ENTREP2: variants seen among roughly 807,000 people sequenced by gnomAD.
The protein encoded by ENTREP2 is endosomal transmembrane epsin interactor 2.
At chr15:29,489,052 A>C in the ENTREP2 span, among the ~76,000 whole-genome samples, 1 of 152,364 alleles carries the variant, frequency 6.6e-6, no homozygotes, top group African/African-American at 2.4e-5. Flanking sequence ...GGGAGTGGTT[A>C]CACAACGGTG....
At chr15:29,370,110 A>G in the ENTREP2 span, among the ~76,000 whole-genome samples, 1 of 152,246 alleles carries the variant, frequency 6.6e-6, no homozygotes, top group African/African-American at 2.4e-5. Context: ...AGACATACAG[A>G]AAACAAATAG....
the ENTREP2 span, among the ~76,000 whole-genome samples, chr15:29,141,236 CG>C: frequency 6.6e-6 from 1 of 152,148 alleles, no homozygotes; most frequent in South Asian, 2.1e-4. Flanking sequence ...TGCCTGGGAC[CG>C]GGAGTCAGAC....
the ENTREP2 span, among the ~76,000 whole-genome samples, chr15:29,651,055 A>C: frequency 1.3e-5 from 2 of 152,170 alleles, no homozygotes; most frequent in Non-Finnish European, 2.9e-5. Flanking sequence ...AGTTATCTGA[A>C]GCTCTTAAAC....
At chr15:29,391,993 T>C in the ENTREP2 span, among the ~76,000 whole-genome samples, 1 of 152,124 alleles carries the variant, frequency 6.6e-6, no homozygotes, top group Non-Finnish European at 1.5e-5. Context: ...CCTGGCTAAT[T>C]TTTTTTCCTA....
the ENTREP2 span, among the ~76,000 whole-genome samples, chr15:29,187,785 C>T: frequency 6.6e-6 from 1 of 152,208 alleles, no homozygotes; most frequent in South Asian, 2.1e-4. Context: ...CAGAAAAAGA[C>T]AGGAGAAATG....
At chr15:29,209,478 G>C in the ENTREP2 span, among the ~76,000 whole-genome samples, 5 of 152,142 alleles carry the variant, frequency 3.3e-5, no homozygotes, top group Non-Finnish European at 5.9e-5. Context: ...CTCCAGCCTG[G>C]GCAACAGGGA....
chr15:29,542,635 G>A, the ENTREP2 span, among the ~76,000 whole-genome samples: 454 of 152,192 alleles, frequency 3.0e-3, 3 homozygotes, highest in Non-Finnish European at 4.4e-3. Flanking sequence ...ACGGTTCTAC[G>A]GCACAACGTA....
the ENTREP2 span, among the ~76,000 whole-genome samples, chr15:29,476,225 G>A: frequency 5.3e-5 from 8 of 152,112 alleles, no homozygotes; most frequent in Admixed American, 1.3e-4. Flanking sequence ...TTTACATAAC[G>A]TGTTCAATAG....
chr15:29,159,995 C>T, the ENTREP2 span, among the ~76,000 whole-genome samples: 18 of 152,342 alleles, frequency 1.2e-4, 1 homozygote, highest in Non-Finnish European at 2.4e-4. Context: ...CCGGGAGGCT[C>T]GGGCCGCACA....
At chr15:29,671,791 G>C in the ENTREP2 span, among the ~76,000 whole-genome samples, 1 of 152,082 alleles carries the variant, frequency 6.6e-6, no homozygotes, top group Non-Finnish European at 1.5e-5. Context: ...GTTTGGACAG[G>C]TGATCCCAGC....
chr15:29,656,311 C>T, the ENTREP2 span, among the ~76,000 whole-genome samples: 5 of 151,990 alleles, frequency 3.3e-5, no homozygotes, highest in Admixed American at 3.3e-4. Flanking sequence ...CTGCAACCTC[C>T]ACCTCGCAGC....
chr15:29,160,199 T>C, the ENTREP2 span, among the ~76,000 whole-genome samples: 2 of 152,202 alleles, frequency 1.3e-5, no homozygotes, highest in Non-Finnish European at 2.9e-5. Context: ...CCACGCCCAC[T>C]TGGAACTCCT....
chr15:29,401,775 C>T, the ENTREP2 span, among the ~76,000 whole-genome samples: 1 of 152,160 alleles, frequency 6.6e-6, no homozygotes, highest in Non-Finnish European at 1.5e-5. Context: ...TCGGTATTTA[C>T]ATAGAACATG....
At chr15:29,667,278 C>A in the ENTREP2 span, among the ~76,000 whole-genome samples, 2 of 151,596 alleles carry the variant, frequency 1.3e-5, no homozygotes, top group African/African-American at 4.8e-5. Flanking sequence ...AGCTCTGCCT[C>A]CCGGGTTCAT....
chr15:29,380,998 CCCG>C, the ENTREP2 span, among the ~76,000 whole-genome samples: 1 of 151,646 alleles, frequency 6.6e-6, no homozygotes, highest in African/African-American at 2.4e-5. Context: ...ATTACAGACA[CCCG>C]CCAACATTCC....
the ENTREP2 span, among the ~76,000 whole-genome samples, chr15:29,632,550 G>C: frequency 6.6e-6 from 1 of 152,144 alleles, no homozygotes; most frequent in African/African-American, 2.4e-5. Context: ...GGGAAGCTGA[G>C]GCAGGTGGAT....
chr15:29,180,970 C>T, the ENTREP2 span, among the ~76,000 whole-genome samples: 1 of 150,154 alleles, frequency 6.7e-6, no homozygotes, highest in East Asian at 2.0e-4. Context: ...AGAGCAGAAA[C>T]TAATGAAATA....
At chr15:29,162,925 C>G in the ENTREP2 span, among the ~76,000 whole-genome samples, 1 of 152,176 alleles carries the variant, frequency 6.6e-6, no homozygotes. Context: ...CCCACCACCT[C>G]CACTGGAACA....
chr15:29,657,482 G>A, the ENTREP2 span, among the ~76,000 whole-genome samples: 2 of 112,262 alleles, frequency 1.8e-5, no homozygotes, highest in Admixed American at 8.9e-5. Context: ...GGCTGGGGGG[G>A]CGGGGGGGGG....
Sources: allele counts gnomAD v4.1 joint callset (sites outside exome capture counted in the v4.1 genomes callset), GRCh38; gene constraint gnomAD v4.1.1; transcripts MANE v1.5; gene names NCBI Gene and HGNC (gene_info 2026-07-23, HGNC 2026-07-21).